HYDIN: variants seen among roughly 807,000 people sequenced by gnomAD.
HYDIN encodes HYDIN axonemal central pair apparatus protein.
Under a neutral mutation model 403.9 loss-of-function variants are expected in HYDIN, and 132 were observed. That is an observed-to-expected ratio of 0.33 (90% confidence interval 0.28 to 0.38). HYDIN has a LOEUF of 0.38. HYDIN is among the 10% of genes least tolerant of loss of function. HYDIN has a pLI of 1.00. For synonymous variants in HYDIN, 1,202 were observed against 1,891.7 expected (o/e 0.64, Z 9.46); for missense variants, 2,827 against 5,009.5 (o/e 0.56, Z 13.15).
intron 19 of HYDIN, among the ~76,000 whole-genome samples, chr16:71,028,532 G>T (rs1045750966): frequency 6.6e-6 from 1 of 151,124 alleles, no homozygotes; most frequent in South Asian, 2.1e-4. Context: ...CTAAGATCTC[G>T]GATATGGTTC....
intron 30 of HYDIN, among the ~76,000 whole-genome samples, chr16:70,976,338 A>T (rs1397213384): frequency 1.1e-4 from 16 of 152,146 alleles, no homozygotes. Flanking sequence ...CAATAATAAA[A>T]TTGTTTTCTT....
At chr16:71,176,296 ACT>A (rs1054273848) in intron 4 of HYDIN, among the ~76,000 whole-genome samples, 1 of 143,410 alleles carries the variant, frequency 7.0e-6, no homozygotes, top group South Asian at 2.2e-4. Flanking sequence ...AAAGAGCAAG[ACT>A]CTGTCTCAAA....
At chr16:71,086,616 AG>A (rs1184562203) in intron 12 of HYDIN, among the ~76,000 whole-genome samples, 1 of 152,032 alleles carries the variant, frequency 6.6e-6, no homozygotes, top group Non-Finnish European at 1.5e-5. Context: ...TTTAGAGCAG[AG>A]CTTAAAGGTT....
chr16:70,807,218 C>T lies in HYDIN; in HGVS notation c.*362G>A, dbSNP rs189989205. Among the ~76,000 whole-genome samples, 7 of 152,314 alleles carry T rather than the reference C, an allele frequency of 4.6e-5. No homozygotes were observed. Among genetic ancestry groups the T allele is most frequent in the Non-Finnish European group, 1.0e-4 (7 of 68,022 alleles). ...TTTAAAAAGAAACTGCAGTACCCAGCGTCACGCATTGCTAAGTGTTGTAGA... is the reference window on the plus strand; with the variant it reads ...TTTAAAAAGAAACTGCAGTACCCAGTGTCACGCATTGCTAAGTGTTGTAGA... On this transcript the variant is annotated 3_prime_UTR_variant, in exon 86 of 86. Coordinates refer to ENST00000393567, the MANE Select transcript of HYDIN (RefSeq NM_001270974.2).
chr16:70,892,448 G>T lies in HYDIN; in HGVS notation c.9330C>A (p.Thr3110=), dbSNP rs1377094060. Residue 3110 remains threonine (T), a synonymous_variant, in exon 56 of 86, where the codon ACC becomes ACA. Transcript: ENST00000393567. ...GGACATTTGTGGGTTTTTCTGTTGGGGTCAGTGAACCCTTTTTGGGTTGGA... is the reference window on the plus strand; with the variant it reads ...GGACATTTGTGGGTTTTTCTGTTGGTGTCAGTGAACCCTTTTTGGGTTGGA... ...ISVQPKKGSL[T]PTEKPTNVQV... is the part of the protein sequence containing the mutation. 6.2e-7 allele frequency: 1 copy of T among 1,604,096 alleles called. No individual in the cohort carries two copies. The highest frequency in any genetic ancestry group is 2.2e-5 in the East Asian group (1 of 44,750).
chr16:71,224,031 A>T (rs1428790850), intron 1 of HYDIN, among the ~76,000 whole-genome samples: 1 of 152,276 alleles, frequency 6.6e-6, no homozygotes, highest in Non-Finnish European at 1.5e-5. Flanking sequence ...TTGCAAAGAT[A>T]TGGAACCAAC....
Position 70,818,204 on chromosome 16 carries a change from TTG to T in HYDIN, c.14658+136_14658+137del, listed in dbSNP as rs2035969986. On this transcript the variant is annotated intron_variant, in intron 84 of 85. Transcript: ENST00000393567. The stretch of plus-strand genomic sequence containing the variant: ...AACAAGAAAAGGAACATGAGGGTGA[TTG>T]TCCCGTCCTCTGCCTTCCTGACCAC... 5.0e-6 allele frequency: 3 copies of T among 596,576 alleles called. No homozygotes were observed. In the Admixed American group the frequency reaches 8.8e-5, roughly 18 times the overall value. The allele number at this position is 596,576 out of a possible 1,614,324, so 37.0% of individuals were successfully genotyped here.
In HYDIN at chr16:70,880,654, C is replaced by A. The variant is rs2040740172; in HGVS notation, c.10216-898G>T. On this transcript the variant is annotated intron_variant, in intron 60 of 85. Transcript: ENST00000393567. ...AGAGGGTTTCTGCTCCTTGTAACTC[C>A]AAGAGCCTTGGCTAGAACAACCTCC... Among the ~76,000 whole-genome samples the A allele has an allele frequency of 2.0e-5, 3 of 152,290 alleles. No homozygotes were observed. In the South Asian group the frequency reaches 6.2e-4, roughly 32 times the overall value.
At chr16:71,044,985 A>G (rs1474078113) in intron 18 of HYDIN, among the ~76,000 whole-genome samples, 1 of 151,332 alleles carries the variant, frequency 6.6e-6, no homozygotes, top group East Asian at 1.9e-4. Context: ...ATTTGAATTG[A>G]GGGTCTGTTC....
chr16:71,125,484 G>T (rs1320143176), intron 9 of HYDIN, among the ~76,000 whole-genome samples: 1 of 152,224 alleles, frequency 6.6e-6, no homozygotes, highest in Non-Finnish European at 1.5e-5. Context: ...TCCTAAATTG[G>T]AGAGTCAGCA....
intron 47 of HYDIN, among the ~76,000 whole-genome samples, chr16:70,912,975 T>A (rs2076735555): frequency 6.6e-6 from 1 of 151,476 alleles, no homozygotes; most frequent in Admixed American, 6.6e-5. Context: ...TCAGTTGTAA[T>A]ATCTCCTGTT....
chr16:71,153,632 CA>C (rs2085633029), intron 6 of HYDIN, among the ~76,000 whole-genome samples: 2 of 150,990 alleles, frequency 1.3e-5, no homozygotes, highest in African/African-American at 2.4e-5. Flanking sequence ...TGAACACAAC[CA>C]GAGCCAGAAA....
Position 71,115,764 on chromosome 16 carries a change from T to C in HYDIN, c.1259A>G (p.Glu420Gly). Residue 420 changes from glutamate to glycine, a missense_variant, in exon 10 of 86, where the codon GAA (glutamate) becomes GGA (glycine). Physicochemically the swap from Glu to Gly is moderately conservative, Grantham distance 98. Transcript: ENST00000393567. ...TAGTGGGTTAAAGTACACGGTGATTTCAGCTGATGAGTTGGGCCAGACATC... is the reference window on the plus strand; with the variant it reads ...TAGTGGGTTAAAGTACACGGTGATTCCAGCTGATGAGTTGGGCCAGACATC... ...EGDVWPNSSA[E>G]ITVYFNPLEA... 9.7e-7 allele frequency: 1 copy of C among 1,032,342 alleles called. No individual in the cohort carries two copies. Among genetic ancestry groups the C allele is most frequent in the Non-Finnish European group, 1.5e-6 (1 of 655,040 alleles). 63.9% of individuals were successfully genotyped at this position (1,032,342 alleles called of 1,614,324 possible).
At chr16:71,067,948 G>A (rs1433297715) in intron 14 of HYDIN, among the ~76,000 whole-genome samples, 1 of 152,162 alleles carries the variant, frequency 6.6e-6, no homozygotes, top group Admixed American at 6.5e-5. Flanking sequence ...GAGGATAATA[G>A]AACATGGTCA....
At chr16:70,812,674 A>G (rs1306755832) in intron 84 of HYDIN, among the ~76,000 whole-genome samples, 1 of 152,274 alleles carries the variant, frequency 6.6e-6, no homozygotes, top group Non-Finnish European at 1.5e-5. Flanking sequence ...AAGTCTCTAC[A>G]TAGAAAACCA....
At position 71,187,203 on chromosome 16, in the gene HYDIN, C is replaced by A. The variant is rs142189348; in HGVS notation, c.-23-285G>T. Among the ~76,000 whole-genome samples, 305 of 152,178 alleles carry A rather than the reference C, an allele frequency of 2.0e-3. 1 individual carries two copies. The highest frequency in any genetic ancestry group is 0.01 in the Middle Eastern group (3 of 294). ...TTCTACATTTTGCCCCTTTTATCTT[C>A]CCAATGAGAAAAACAAACACTGCCC... On this transcript the variant is annotated intron_variant, in intron 1 of 85. Coordinates refer to ENST00000393567, the MANE Select transcript of HYDIN (RefSeq NM_001270974.2).
intron 53 of HYDIN, among the ~76,000 whole-genome samples, chr16:70,898,720 C>A (rs1456814569): frequency 6.6e-6 from 1 of 151,836 alleles, no homozygotes; most frequent in African/African-American, 2.4e-5. Context: ...GGGATGATCC[C>A]GTGAATGTCA....
intron 53 of HYDIN, among the ~76,000 whole-genome samples, chr16:70,897,194 A>G (rs1400315669): frequency 6.6e-6 from 1 of 152,160 alleles, no homozygotes; most frequent in African/African-American, 2.4e-5. Context: ...GGTAAATGAC[A>G]TGAACCAACT....
chr16:71,130,266 G>A (rs1348168484), intron 8 of HYDIN, among the ~76,000 whole-genome samples: 6 of 152,048 alleles, frequency 3.9e-5, no homozygotes, highest in South Asian at 2.1e-4. Context: ...ACCTGGGGCC[G>A]GCAGGGACTA....
Sources: allele counts gnomAD v4.1 joint callset (sites outside exome capture counted in the v4.1 genomes callset), GRCh38; gene constraint gnomAD v4.1.1; transcripts MANE v1.5; gene names NCBI Gene and HGNC (gene_info 2026-07-23, HGNC 2026-07-21).